The following LVRN variants were observed in gnomAD, a reference collection of about 807,000 sequenced individuals.
The protein encoded by LVRN is aminopeptidase Q.
LVRN carries 99 observed loss-of-function variants against 111.4 expected under a neutral mutation model. The observed-to-expected ratio is 0.89, with a 90% CI of 0.76 to 1.05. The LOEUF (loss-of-function observed/expected upper bound fraction) is 1.05. Among genes scored for constraint, LVRN ranks in the 50% least tolerant of loss-of-function variants. LVRN has a pLI of 0.00. For synonymous variants in LVRN, 488 were observed against 449.5 expected (o/e 1.09, Z -1.08); for missense variants, 1,414 against 1,206.8 (o/e 1.17, Z -2.54).
At chr5:116,010,407 A>G in intron 13 of LVRN, 1 of 378,236 alleles carries the variant, frequency 2.6e-6, no homozygotes, top group Admixed American at 3.1e-5. Flanking sequence ...ATGACTTCTA[A>G]TTAATATTTG....
intron 7 of LVRN, 115 bp from the exon 8 acceptor site, chr5:116,000,318 T>C: frequency 7.1e-7 from 1 of 1,417,290 alleles, no homozygotes; most frequent in Non-Finnish European, 9.9e-7. Context: ...AACATTCAAC[T>C]AAAATGCAAA....
At chr5:116,012,728 C>G (rs1304632677) in intron 15 of LVRN, among the ~76,000 whole-genome samples, 1 of 152,180 alleles carries the variant, frequency 6.6e-6, no homozygotes. Flanking sequence ...GCCTAGACTA[C>G]TGGTTGAAAT....
At chr5:115,988,621 G>A (rs1007504002) in intron 4 of LVRN, among the ~76,000 whole-genome samples, 3 of 152,140 alleles carry the variant, frequency 2.0e-5, no homozygotes, top group African/African-American at 4.8e-5. Context: ...AAAAGTATGC[G>A]CTGCCTATAC....
rs750325985 is a variant in LVRN, at chr5:115,962,626, C to G, written c.9C>G (p.Pro3=). The G allele has an allele frequency of 1.6e-5, 26 of 1,594,990 alleles. No homozygotes were observed. In the East Asian group the frequency reaches 5.4e-4, roughly 33 times the overall value. Reference sequence around the variant, plus strand: ...TGAACCCGGTCCCTGCCATGGGGCCCCCTTCCAGCTCAGGCTTCTATGTGA... The same window carrying G: ...TGAACCCGGTCCCTGCCATGGGGCCGCCTTCCAGCTCAGGCTTCTATGTGA... MG[P]PSSSGFYVSR... Residue 3 remains proline (P), a synonymous_variant, in exon 1 of 20, where the codon CCC becomes CCG. Coordinates refer to ENST00000357872, the MANE Select transcript of LVRN (RefSeq NM_173800.5).
chr5:116,001,829 A>G (rs1748245115), intron 10 of LVRN, among the ~76,000 whole-genome samples: 1 of 152,186 alleles, frequency 6.6e-6, no homozygotes, highest in Non-Finnish European at 1.5e-5. Context: ...AAGCTCTGTG[A>G]GTTTCAGTTG....
At chr5:116,017,371 G>C (rs1487055947) in intron 18 of LVRN, among the ~76,000 whole-genome samples, 3 of 152,226 alleles carry the variant, frequency 2.0e-5, no homozygotes, top group African/African-American at 7.2e-5. Flanking sequence ...GGTGTCGTAT[G>C]TGAAGCACAC....
At chr5:115,984,484 TGG>T in intron 2 of LVRN, 84 bp from the exon 3 acceptor site, 1 of 1,475,842 alleles carries the variant, frequency 6.8e-7, no homozygotes, top group Non-Finnish European at 9.2e-7. Flanking sequence ...AAGGAGTAGC[TGG>T]GTGACAATTG....
intron 1 of LVRN, among the ~76,000 whole-genome samples, chr5:115,978,772 C>T (rs531771328): frequency 6.6e-6 from 1 of 152,166 alleles, no homozygotes; most frequent in South Asian, 2.1e-4. Flanking sequence ...CTCTTCTTTG[C>T]CTATCTTGAT....
At chr5:115,964,340 CT>C (rs1312448772) in intron 1 of LVRN, among the ~76,000 whole-genome samples, 1 of 152,210 alleles carries the variant, frequency 6.6e-6, no homozygotes, top group East Asian at 1.9e-4. Context: ...TCCTGCACTA[CT>C]TTCAAAATTT....
intron 2 of LVRN, 75 bp from the exon 3 acceptor site, chr5:115,984,495 T>A: frequency 6.5e-7 from 1 of 1,536,038 alleles, no homozygotes; most frequent in Non-Finnish European, 8.9e-7. Context: ...GGGTGACAAT[T>A]GACTTGACAA....
At chr5:115,979,854 G>A (rs1250612550) in intron 1 of LVRN, among the ~76,000 whole-genome samples, 1 of 152,180 alleles carries the variant, frequency 6.6e-6, no homozygotes, top group Non-Finnish European at 1.5e-5. Context: ...GTTAAGTAGA[G>A]CTGTAGACAT....
chr5:116,020,482 A>G (rs78829021), intron 18 of LVRN, among the ~76,000 whole-genome samples: 451 of 152,336 alleles, frequency 3.0e-3, no homozygotes, highest in Middle Eastern at 6.8e-3. Flanking sequence ...ACCTGTCCAA[A>G]ATGAATCTTA....
chr5:115,984,795 T>C, intron 3 of LVRN, 86 bp downstream of exon 3: 2 of 1,534,024 alleles, frequency 1.3e-6, no homozygotes, highest in Middle Eastern at 1.7e-4. Flanking sequence ...TGGTTATGGC[T>C]GCATATCCCC....
At chr5:116,013,515 C>T (rs1337496447) in intron 15 of LVRN, among the ~76,000 whole-genome samples, 1 of 152,144 alleles carries the variant, frequency 6.6e-6, no homozygotes, top group Admixed American at 6.5e-5. Flanking sequence ...TTCCACAGAA[C>T]TCCAGCTTGT....
intron 18 of LVRN, chr5:116,021,722 A>AC: frequency 2.2e-6 from 1 of 451,944 alleles, no homozygotes; most frequent in Non-Finnish European, 4.4e-6. Flanking sequence ...TCTTTTATTT[A>AC]CTTTTTTAAC....
rs756923422 is a variant in LVRN at position 116,001,119 on chromosome 5, T to C, written c.1700T>C (p.Met567Thr). ...VILPATIKNIMDSWTHQSGFP... is the reference protein window; with the variant it reads ...VILPATIKNITDSWTHQSGFP... ...TTGCCAGCAACAATAAAAAACATAA[T>C]GGACAGTTGGACACACCAGAGTGGT... The change falls in exon 10 of 20, where the codon ATG becomes ACG. Residue 567 changes from methionine to threonine, a missense_variant. Physicochemically the swap from Met to Thr is moderately conservative, Grantham distance 81. Coordinates refer to ENST00000357872, the MANE Select transcript of LVRN (RefSeq NM_173800.5). The C allele has an allele frequency of 6.2e-6, 10 of 1,612,222 alleles. No individual in the cohort carries two copies. The South Asian group carries it at 7.7e-5, about 12-fold the overall frequency.
intron 1 of LVRN, among the ~76,000 whole-genome samples, chr5:115,967,188 A>G (rs1753221379): frequency 6.6e-6 from 1 of 152,140 alleles, no homozygotes; most frequent in Non-Finnish European, 1.5e-5. Flanking sequence ...CTATTTTTTA[A>G]TGGATCATGC....
chr5:116,005,772 T>C, intron 12 of LVRN, 140 bp from the exon 13 acceptor site: 1 of 719,820 alleles, frequency 1.4e-6, no homozygotes, highest in Middle Eastern at 2.3e-4. Context: ...TCCTCAGTAA[T>C]TGTTGTTTCT....
intron 6 of LVRN, 53 bp downstream of exon 6, chr5:115,993,907 A>G: frequency 9.6e-7 from 1 of 1,047,030 alleles, no homozygotes; most frequent in Non-Finnish European, 1.4e-6. Flanking sequence ...TATAAAAGTA[A>G]TGCATATTCA....
Sources: gnomAD v4.1 joint callset for allele counts (sites outside exome capture counted in the v4.1 genomes callset) on GRCh38, gnomAD v4.1.1 for gene constraint, MANE v1.5 for transcripts, NCBI Gene and HGNC (gene_info 2026-07-23, HGNC 2026-07-21) for gene names.